CACNG2: variants seen among roughly 807,000 people sequenced by gnomAD.
CACNG2 encodes calcium voltage-gated channel auxiliary subunit gamma 2.
A neutral mutation model predicts 25.9 loss-of-function variants in CACNG2; 3 were observed. The observed-to-expected ratio is 0.12, with a 90% CI of 0.05 to 0.30. CACNG2 has a LOEUF of 0.30. CACNG2 is among the 10% of genes least tolerant of loss of function. The pLI, the probability that CACNG2 is intolerant of heterozygous loss-of-function variation, is 1.00. For synonymous variants in CACNG2, 167 were observed against 173.3 expected, an observed-to-expected ratio of 0.96 and a Z score of 0.29; for missense variants, 341 against 432.5, an observed-to-expected ratio of 0.79 and a Z score of 1.88.
intron 2 of CACNG2, among the ~76,000 whole-genome samples, chr22:36,573,489 A>G (rs1935266171): frequency 6.6e-6 from 1 of 152,008 alleles, no homozygotes. Context: ...GTGCCATCAC[A>G]CCTGGCTAAT....
chr22:36,628,350 G>A (rs943701833), intron 1 of CACNG2, among the ~76,000 whole-genome samples: 28 of 152,232 alleles, frequency 1.8e-4, no homozygotes, highest in Admixed American at 1.6e-3. Flanking sequence ...ATTAGAGAGG[G>A]AGTAAGGGTA....
At chr22:36,669,459 G>C (rs1179051959) in intron 1 of CACNG2, among the ~76,000 whole-genome samples, 1 of 126,308 alleles carries the variant, frequency 7.9e-6, no homozygotes, top group Non-Finnish European at 1.6e-5. Flanking sequence ...AGTGAGCCAA[G>C]ATTGTGCCAT....
chr22:36,572,256 A>G (rs978817993), intron 2 of CACNG2, among the ~76,000 whole-genome samples: 3 of 152,212 alleles, frequency 2.0e-5, no homozygotes, highest in Non-Finnish European at 2.9e-5. Flanking sequence ...CTTTGGCTTC[A>G]AGGAGATTAC....
intron 2 of CACNG2, among the ~76,000 whole-genome samples, chr22:36,573,962 A>T (rs1935273416): frequency 6.6e-6 from 1 of 152,110 alleles, no homozygotes; most frequent in South Asian, 2.1e-4. Context: ...GCTCCTTCAG[A>T]GACCTGGAAG....
chr22:36,694,011 A>G (rs1404238066), intron 1 of CACNG2, among the ~76,000 whole-genome samples: 7 of 152,176 alleles, frequency 4.6e-5, no homozygotes, highest in Non-Finnish European at 8.8e-5. Context: ...AGTTGTTGGA[A>G]AAGAGCAACC....
In CACNG2 at chr22:36,571,987, T is replaced by TC. The variant is rs1935237615; in HGVS notation, c.296-5495dup. 2.0e-5 allele frequency among the ~76,000 whole-genome samples: 3 copies of TC among 152,174 alleles called. No individual in the cohort carries two copies. In the South Asian group the frequency reaches 6.2e-4, roughly 32 times the overall value. Reference sequence around the variant, plus strand: ...CAATTTTTATTTCTGAGGTCCCTCTTCCCAAAACATCAGTCCAGGCATAAC... The same window carrying TC: ...CAATTTTTATTTCTGAGGTCCCTCTTCCCCAAAACATCAGTCCAGGCATAAC... On this transcript the variant is annotated intron_variant, in intron 2 of 3. Transcript: ENST00000300105.
chr22:36,601,730 G>A (rs59924986), intron 1 of CACNG2, among the ~76,000 whole-genome samples: 6 of 152,114 alleles, frequency 3.9e-5, no homozygotes, highest in Non-Finnish European at 5.9e-5. Flanking sequence ...TGATCCATGC[G>A]CCTCGGCCTC....
intron 1 of CACNG2, among the ~76,000 whole-genome samples, chr22:36,674,207 CCT>C (rs1936993396): frequency 6.6e-6 from 1 of 152,246 alleles, no homozygotes; most frequent in South Asian, 2.1e-4. Flanking sequence ...CTCCACCACC[CCT>C]GAGAAGGGAC....
At chr22:36,570,569 G>A (rs1372786199) in intron 2 of CACNG2, among the ~76,000 whole-genome samples, 7 of 152,016 alleles carry the variant, frequency 4.6e-5, no homozygotes, top group Non-Finnish European at 7.4e-5. Context: ...AGACCAGCCT[G>A]GCTAACATGG....
intron 1 of CACNG2, among the ~76,000 whole-genome samples, chr22:36,655,652 C>CTTTCTTTCT (rs1295997876): frequency 1.3e-5 from 2 of 150,104 alleles, no homozygotes; most frequent in African/African-American, 2.5e-5. Context: ...TCACTTAAGA[C>CTTTCTTTCT]TTTCTTTCTT....
rs1052032694 is a variant in CACNG2 at position 36,619,151 on chromosome 22, T to G, written c.212-31603A>C. On this transcript the variant is annotated intron_variant, in intron 1 of 3. Coordinates refer to ENST00000300105, the MANE Select transcript of CACNG2 (RefSeq NM_006078.5). ...GTGAAGGGATGGCCCAAGATCGCAGTGTTTCTATGTGGCAGAGGCAGGATT... is the reference window on the plus strand; with the variant it reads ...GTGAAGGGATGGCCCAAGATCGCAGGGTTTCTATGTGGCAGAGGCAGGATT... 7.2e-5 allele frequency among the ~76,000 whole-genome samples: 11 copies of G among 152,210 alleles called. No individual in the cohort carries two copies. In the East Asian group the frequency reaches 9.7e-4, roughly 13 times the overall value.
chr22:36,638,238 T>C (rs778276268), intron 1 of CACNG2, among the ~76,000 whole-genome samples: 4 of 152,196 alleles, frequency 2.6e-5, no homozygotes, highest in African/African-American at 4.8e-5. Context: ...GCCTGTTTCT[T>C]GCTTCCTTCT....
At chr22:36,572,435 A>G (rs1344949115) in intron 2 of CACNG2, among the ~76,000 whole-genome samples, 1 of 152,180 alleles carries the variant, frequency 6.6e-6, no homozygotes, top group Non-Finnish European at 1.5e-5. Flanking sequence ...GTCTTCCAAT[A>G]AAACTTTATT....
intron 1 of CACNG2, 28 bp downstream of exon 1, chr22:36,702,337 GA>G (rs753113084): frequency 1.2e-5 from 18 of 1,449,856 alleles, no homozygotes; most frequent in Middle Eastern, 2.4e-4. Context: ...GTGGGGTGGA[GA>G]GGGGGGAGGA....
intron 1 of CACNG2, among the ~76,000 whole-genome samples, chr22:36,592,042 C>G (rs1196042496): frequency 6.6e-6 from 1 of 151,762 alleles, no homozygotes; most frequent in Non-Finnish European, 1.5e-5. Flanking sequence ...TTCTGAGATT[C>G]TGTGGTTTTC....
Position 36,587,536 on chromosome 22 carries a change from C to T in CACNG2, c.224G>A (p.Gly75Asp). 3.1e-6 allele frequency: 5 copies of T among 1,612,870 alleles called. No homozygotes were observed. Among genetic ancestry groups the T allele is most frequent in the Non-Finnish European group, 4.2e-6 (5 of 1,178,786 alleles). The change falls in exon 2 of 4, where the codon GGT (glycine) becomes GAT (aspartate). Residue 75 changes from glycine (G) to aspartate (D), a missense_variant. Gly to Asp is a moderately conservative substitution (Grantham distance 94). Coordinates refer to ENST00000300105, the MANE Select transcript of CACNG2 (RefSeq NM_006078.5). Reference protein sequence around the residue: ...RTCCLEGNFKGLCKQIDHFPE... With the variant: ...RTCCLEGNFKDLCKQIDHFPE... Reference sequence around the variant, plus strand: ...GAAGTGATCAATTTGCTTGCACAGACCTTTGAAATTCCCTGCAAAACAAGG... The same window carrying T: ...GAAGTGATCAATTTGCTTGCACAGATCTTTGAAATTCCCTGCAAAACAAGG...
chr22:36,580,439 GT>G, intron 2 of CACNG2, among the ~76,000 whole-genome samples: 1 of 152,234 alleles, frequency 6.6e-6, no homozygotes, highest in Middle Eastern at 3.4e-3. Context: ...TGTGTGTGTT[GT>G]GGGGAGCTGA....
In CACNG2 at chr22:36,584,782, G is replaced by A. The variant is rs75299174; in HGVS notation, c.295+2683C>T. ...TGCAGCATAAACATTAGGTCTGTAG[G>A]TCTCCCTCCAGATGGCTAGCCCTCA... is the stretch of plus-strand genomic sequence containing the variant. On this transcript the variant is annotated intron_variant, in intron 2 of 3. Coordinates refer to ENST00000300105, the MANE Select transcript of CACNG2 (RefSeq NM_006078.5). 1,363 of 152,316 alleles carry A rather than the reference G, an allele frequency of 8.9e-3. 12 individuals are homozygous for A. The highest frequency in any genetic ancestry group is 0.014 in the Non-Finnish European group (986 of 68,084). 9.4% of individuals were successfully genotyped at this position (152,316 alleles called of 1,614,324 possible). A position where few individuals can be genotyped will look rare whatever the true frequency, so the allele number is the denominator to read the frequency against.
intron 1 of CACNG2, among the ~76,000 whole-genome samples, chr22:36,693,505 C>T (rs184205974): frequency 6.6e-6 from 1 of 152,328 alleles, no homozygotes; most frequent in East Asian, 1.9e-4. Flanking sequence ...CCTCAACAAC[C>T]AGTGACCTAG....
Sources: gnomAD v4.1 joint callset for allele counts (sites outside exome capture counted in the v4.1 genomes callset) on GRCh38, gnomAD v4.1.1 for gene constraint, MANE v1.5 for transcripts, NCBI Gene and HGNC (gene_info 2026-07-23, HGNC 2026-07-21) for gene names.